Variants in SPARCL1 observed in about 807,000 individuals in gnomAD.
SPARCL1 encodes the protein SPARC like 1.
A neutral mutation model predicts 67.1 loss-of-function variants in SPARCL1; 52 were observed. That is an observed-to-expected ratio of 0.78 (90% CI 0.62 to 0.98). The LOEUF is 0.98. Among genes scored for constraint, SPARCL1 ranks in the 50% least tolerant of loss-of-function variants. The pLI is 0.00. For missense variants in SPARCL1, 717 were observed against 782.4 expected, an observed-to-expected ratio of 0.92 and a Z score of 1.00; for synonymous variants, 226 against 267.8, an observed-to-expected ratio of 0.84 and a Z score of 1.52.
At chr4:87,497,338 G>A (rs1379399652) in intron 2 of SPARCL1, 3 of 391,850 alleles carry the variant, frequency 7.7e-6, no homozygotes, top group Non-Finnish European at 1.0e-5. Flanking sequence ...TGCCAGCAGG[G>A]GGCATCATAG....
chr4:87,501,505 G>A (rs1403688588), intron 1 of SPARCL1, among the ~76,000 whole-genome samples: 1 of 151,520 alleles, frequency 6.6e-6, no homozygotes, highest in Non-Finnish European at 1.5e-5. Flanking sequence ...CTAGATTGGA[G>A]TATTTTTTTC....
chr4:87,495,852 A>G (rs1424199650), intron 2 of SPARCL1, among the ~76,000 whole-genome samples: 1 of 152,090 alleles, frequency 6.6e-6, no homozygotes, highest in Non-Finnish European at 1.5e-5. Context: ...AATCACTTGA[A>G]CCCTGGAGGC....
intron 7 of SPARCL1, among the ~76,000 whole-genome samples, chr4:87,490,071 G>T (rs1157484143): frequency 1.3e-5 from 2 of 152,172 alleles, no homozygotes; most frequent in Admixed American, 1.3e-4. Context: ...ACAATGTCAG[G>T]ATTCCAACCT....
chr4:87,487,630 G>A (rs573541536), intron 7 of SPARCL1, among the ~76,000 whole-genome samples: 1 of 152,214 alleles, frequency 6.6e-6, no homozygotes, highest in African/African-American at 2.4e-5. Context: ...CTGAATTTCA[G>A]TGTTGGTCTG....
Position 87,511,967 on chromosome 4 carries a change from C to T in SPARCL1, c.-11-12382G>A, listed in dbSNP as rs200801851. ...TTCCTTTCCTTTCCTCTTTCTTTCT[C>T]TTTTTTTTTTTTTTTGAGACAGAGT... On this transcript the variant is annotated intron_variant, in intron 1 of 10. Coordinates refer to ENST00000282470, the MANE Select transcript of SPARCL1 (RefSeq NM_004684.6). 3.6e-3 allele frequency among the ~76,000 whole-genome samples: 442 copies of T among 121,502 alleles called. 1 individual carries two copies. Among genetic ancestry groups the T allele is most frequent in the Non-Finnish European group, 5.1e-3 (311 of 60,930 alleles). 79.7% of individuals were successfully genotyped at this position (121,502 alleles called of 152,430 possible).
At chr4:87,482,843 G>A (rs1723888708) in intron 7 of SPARCL1, among the ~76,000 whole-genome samples, 1 of 152,204 alleles carries the variant, frequency 6.6e-6, no homozygotes, top group Admixed American at 6.5e-5. Context: ...CTATTTGGAT[G>A]TGCAGCTAGG....
At chr4:87,484,815 C>A (rs1723985095) in intron 7 of SPARCL1, among the ~76,000 whole-genome samples, 1 of 152,068 alleles carries the variant, frequency 6.6e-6, no homozygotes, top group Non-Finnish European at 1.5e-5. Flanking sequence ...GTATTTTATT[C>A]TCTTTGTAGC....
intron 1 of SPARCL1, among the ~76,000 whole-genome samples, chr4:87,512,265 G>C (rs553805538): frequency 6.6e-6 from 1 of 151,936 alleles, no homozygotes. Context: ...CACCATGCCC[G>C]GCCCCAGATT....
At position 87,500,541 on chromosome 4, in the gene SPARCL1, A is replaced by G. The variant is rs74638967; in HGVS notation, c.-11-956T>C. 0.031 allele frequency among the ~76,000 whole-genome samples: 4,763 copies of G among 152,092 alleles called. 396 individuals are homozygous for G. The East Asian group carries it at 0.33, about 11-fold the overall frequency. On this transcript the variant is annotated intron_variant, in intron 1 of 10. Coordinates refer to ENST00000282470, the MANE Select transcript of SPARCL1 (RefSeq NM_004684.6). Reference sequence around the variant, plus strand: ...TGGGATTAGGGCTGCAGCTTTTAGTATTTAATAGAGGTTTTATGGATCGCC... The same window carrying G: ...TGGGATTAGGGCTGCAGCTTTTAGTGTTTAATAGAGGTTTTATGGATCGCC...
chr4:87,480,820 C>CCTTTTTTTTTTTTTTTTTTTTT lies in SPARCL1; in HGVS notation c.1669-301_1669-300insAAAAAAAAAAAAAAAAAAAAAG, dbSNP rs59503255. On this transcript the variant is annotated intron_variant, in intron 8 of 10. Coordinates refer to ENST00000282470, the MANE Select transcript of SPARCL1 (RefSeq NM_004684.6). ...TCTTTTAACCAAGTAATGTTCGCTG[C>CCTTTTTTTTTTTTTTTTTTTTT]TTTTTTTTTTTTTTTTTAAACTATG... Among the ~76,000 whole-genome samples, 3 of 133,384 alleles carry CCTTTTTTTTTTTTTTTTTTTTT rather than the reference C, an allele frequency of 2.2e-5. 1 individual carries two copies. Among genetic ancestry groups the CCTTTTTTTTTTTTTTTTTTTTT allele is most frequent in the Non-Finnish European group, 5.0e-5 (3 of 60,446 alleles). The allele number at this position is 133,384 out of a possible 152,430, so 87.5% of individuals were successfully genotyped here.
intron 2 of SPARCL1, among the ~76,000 whole-genome samples, chr4:87,497,783 T>C (rs1724681075): frequency 6.6e-6 from 1 of 152,232 alleles, no homozygotes; most frequent in Non-Finnish European, 1.5e-5. Flanking sequence ...TTTGAGGCAG[T>C]CTTGCTCTGT....
chr4:87,521,796 G>A (rs528877024), intron 1 of SPARCL1, among the ~76,000 whole-genome samples: 1 of 152,304 alleles, frequency 6.6e-6, no homozygotes, highest in South Asian at 2.1e-4. Context: ...ATTTCCTGGA[G>A]TATGTACATC....
intron 9 of SPARCL1, 82 bp downstream of exon 9, chr4:87,480,290 G>A (rs1723757416): frequency 2.4e-6 from 3 of 1,258,122 alleles, no homozygotes; most frequent in South Asian, 2.1e-5. Flanking sequence ...TCCTAAATCT[G>A]TTTAGATTTT....
chr4:87,507,917 A>G (rs1020362206), intron 1 of SPARCL1, among the ~76,000 whole-genome samples: 2 of 152,240 alleles, frequency 1.3e-5, no homozygotes, highest in Non-Finnish European at 2.9e-5. Flanking sequence ...ACTGGTTTAT[A>G]ATAAAGGATA....
At chr4:87,486,603 T>C (rs2110219306) in intron 7 of SPARCL1, among the ~76,000 whole-genome samples, 1 of 152,288 alleles carries the variant, frequency 6.6e-6, no homozygotes, top group African/African-American at 2.4e-5. Flanking sequence ...TGAGTTCAAG[T>C]CCTGAATATA....
Position 87,495,003 on chromosome 4 carries a change from G to T in SPARCL1, c.179C>A (p.Thr60Lys), listed in dbSNP as rs544888768. ...TACCTTATGGTGGGAATCGTCTTCT[G>T]TGGATACTGCTGTTTCTTTTTCATT... ...EENEKETAVS[T>K]EDDSHHKAEK... Residue 60 changes from threonine to lysine, a missense_variant, in exon 3 of 11, where the codon ACA becomes AAA. Physicochemically the swap from Thr to Lys is moderately conservative, Grantham distance 78 (BLOSUM62 -1). Coordinates refer to ENST00000282470, the MANE Select transcript of SPARCL1 (RefSeq NM_004684.6). 1.2e-6 allele frequency: 2 copies of T among 1,610,508 alleles called. No individual in the cohort carries two copies. Among genetic ancestry groups the T allele is most frequent in the East Asian group, 2.2e-5 (1 of 44,792 alleles).
chr4:87,504,182 TGGTGGG>T (rs1560823564), intron 1 of SPARCL1, among the ~76,000 whole-genome samples: 5 of 21,068 alleles, frequency 2.4e-4, no homozygotes, highest in African/African-American at 3.9e-4. Flanking sequence ...TGTGTGTGTG[TGGTGGG>T]GTGGGGGTGG....
chr4:87,527,418 T>C (rs1209121867), intron 1 of SPARCL1, among the ~76,000 whole-genome samples: 1 of 152,122 alleles, frequency 6.6e-6, no homozygotes, highest in African/African-American at 2.4e-5. Flanking sequence ...GGTAGAAAAA[T>C]GTTCCCAACC....
At position 87,522,593 on chromosome 4, in the gene SPARCL1, G is replaced by C. The variant is rs1443632754; in HGVS notation, c.-12+6452C>G. On this transcript the variant is annotated intron_variant, in intron 1 of 10. Transcript: ENST00000282470. ...GGGTCTTTGCACAAGTGTTCACGCT[G>C]TCAGAATTCTCTCTCCAGCACCCGC... Among the ~76,000 whole-genome samples, 4 of 149,376 alleles carry C rather than the reference G, an allele frequency of 2.7e-5. No homozygotes were observed. The East Asian group carries it at 7.9e-4, about 30-fold the overall frequency.
Sources: gnomAD v4.1 joint callset for allele counts (sites outside exome capture counted in the v4.1 genomes callset) on GRCh38, gnomAD v4.1.1 for gene constraint, MANE v1.5 for transcripts, NCBI Gene and HGNC (gene_info 2026-07-23, HGNC 2026-07-21) for gene names.